The following TLE1 variants were observed in gnomAD, a reference collection of about 807,000 sequenced individuals.
TLE1 encodes TLE family member 1, transcriptional corepressor.
TLE1 carries 21 observed loss-of-function variants against 89.8 expected under a neutral mutation model. The ratio of observed to expected loss-of-function variants is 0.23; its 90% CI spans 0.17 to 0.34. The LOEUF (loss-of-function observed/expected upper bound fraction) is 0.34, where lower values mean the gene tolerates loss of function less well. TLE1 is among the 10% of genes least tolerant of loss of function. The probability of loss-of-function intolerance (pLI) is 1.00; values close to 1 mark genes in which losing one functional copy is unlikely to be tolerated. For missense variants in TLE1, 795 were observed against 1,031.2 expected (o/e 0.77, Z 3.14); for synonymous variants, 447 against 407.6 (o/e 1.10, Z -1.16).
chr9:81,688,005 G>A (rs72749008), intron 1 of TLE1, among the ~76,000 whole-genome samples: 7 of 152,104 alleles, frequency 4.6e-5, no homozygotes, highest in South Asian at 4.2e-4. Context: ...CGGTATAGAC[G>A]TCAAGTAGGA....
At chr9:81,629,438 A>G (rs1268912747) in intron 8 of TLE1, among the ~76,000 whole-genome samples, 1 of 152,242 alleles carries the variant, frequency 6.6e-6, no homozygotes, top group East Asian at 1.9e-4. Context: ...CAAAATTTTA[A>G]AACAGCCAAA....
In TLE1 at chr9:81,687,535, G is replaced by A. The variant is rs1834463745; in HGVS notation, c.25-101C>T. On this transcript the variant is annotated intron_variant, in intron 1 of 19. Coordinates refer to ENST00000376499, the MANE Select transcript of TLE1 (RefSeq NM_005077.5). ...AGAACGGGTGGGACATAAACATAAA[G>A]TTAGAAGTGGCTGAAAACGAGGCCC... 5.9e-6 allele frequency: 5 copies of A among 852,380 alleles called. No individual in the cohort carries two copies. In the East Asian group the frequency reaches 8.1e-5, roughly 14 times the overall value. The allele number at this position is 852,380 out of a possible 1,614,324, so 52.8% of individuals were successfully genotyped here.
chr9:81,640,627 T>C (rs1357172327), intron 6 of TLE1, among the ~76,000 whole-genome samples: 3 of 152,184 alleles, frequency 2.0e-5, no homozygotes, highest in Non-Finnish European at 4.4e-5. Flanking sequence ...CCACAAGGAA[T>C]AAAGCGATCT....
intron 4 of TLE1, among the ~76,000 whole-genome samples, chr9:81,672,745 A>G (rs1346852440): frequency 6.6e-6 from 1 of 152,096 alleles, no homozygotes; most frequent in Non-Finnish European, 1.5e-5. Flanking sequence ...CAAAATGACA[A>G]ATTTTCCATG....
intron 4 of TLE1, among the ~76,000 whole-genome samples, chr9:81,683,896 T>C (rs1173337118): frequency 6.6e-6 from 1 of 151,940 alleles, no homozygotes; most frequent in Non-Finnish European, 1.5e-5. Flanking sequence ...CTTCACCCCT[T>C]CTCCCTACAT....
intron 5 of TLE1, 21 bp from the exon 6 acceptor site, chr9:81,652,309 A>C: frequency 6.2e-7 from 1 of 1,610,678 alleles, no homozygotes; most frequent in South Asian, 1.1e-5. Flanking sequence ...AAGGAGAAGA[A>C]AGGGCATTAG....
At chr9:81,606,602 A>G (rs1831691864) in intron 14 of TLE1, among the ~76,000 whole-genome samples, 1 of 152,108 alleles carries the variant, frequency 6.6e-6, no homozygotes, top group African/African-American at 2.4e-5. Context: ...ACAGGTGGGG[A>G]ACATCACACA....
intron 4 of TLE1, among the ~76,000 whole-genome samples, chr9:81,672,804 G>A (rs1051117205): frequency 7.2e-5 from 11 of 151,966 alleles, no homozygotes; most frequent in Non-Finnish European, 1.3e-4. Context: ...TCCTTATTCT[G>A]CCAAAACTTA....
chr9:81,688,289 G>T lies in TLE1; in HGVS notation c.-49C>A. The stretch of plus-strand genomic sequence containing the variant: ...TGTTCCCCGGCAACTCAATTCTCCG[G>T]TCAATTTCCAACTTTAATCCCGCCG... On this transcript the variant is annotated 5_prime_UTR_variant, in exon 1 of 20. Transcript: ENST00000376499. The T allele has an allele frequency of 2.6e-6, 4 of 1,521,518 alleles. No homozygotes were observed. Among genetic ancestry groups the T allele is most frequent in the Non-Finnish European group, 3.5e-6 (4 of 1,139,356 alleles). 94.3% of individuals were successfully genotyped at this position (1,521,518 alleles called of 1,614,324 possible). A position where few individuals can be genotyped will look rare whatever the true frequency, so the allele number is the denominator to read the frequency against.
intron 4 of TLE1, among the ~76,000 whole-genome samples, chr9:81,657,936 G>A (rs1187249530): frequency 2.2e-5 from 3 of 137,920 alleles, no homozygotes; most frequent in African/African-American, 8.2e-5. Flanking sequence ...TTAAGACAGA[G>A]TCTCGCTCTG....
chr9:81,629,835 C>T (rs754150625), intron 8 of TLE1, among the ~76,000 whole-genome samples: 8 of 152,150 alleles, frequency 5.3e-5, no homozygotes, highest in Non-Finnish European at 1.2e-4. Context: ...TAGGGGACCA[C>T]CATCATATAT....
chr9:81,673,875 T>C (rs1192806685), intron 4 of TLE1, among the ~76,000 whole-genome samples: 1 of 151,974 alleles, frequency 6.6e-6, no homozygotes, highest in African/African-American at 2.4e-5. Context: ...GAGAATGGAG[T>C]GTGTACCTGT....
At chr9:81,620,764 A>G in intron 8 of TLE1, 1 of 984,516 alleles carries the variant, frequency 1.0e-6, no homozygotes, top group Non-Finnish European at 1.2e-6. Context: ...CAATCAAACC[A>G]TCCAAAGCTA....
chr9:81,654,551 C>T (rs1356004174), intron 4 of TLE1, among the ~76,000 whole-genome samples: 1 of 152,150 alleles, frequency 6.6e-6, no homozygotes, highest in Admixed American at 6.5e-5. Flanking sequence ...CCGTGTTAGC[C>T]AGGATGGTCT....
intron 4 of TLE1, among the ~76,000 whole-genome samples, chr9:81,662,149 T>G (rs1830877009): frequency 6.6e-6 from 1 of 152,158 alleles, no homozygotes. Flanking sequence ...ATTCAACACA[T>G]CACAACCATC....
chr9:81,588,764 A>G (rs1829010200), intron 16 of TLE1, among the ~76,000 whole-genome samples: 1 of 151,944 alleles, frequency 6.6e-6, no homozygotes, highest in African/African-American at 2.4e-5. Flanking sequence ...AAGGCGAGCA[A>G]AGTCTAGACC....
At chr9:81,600,710 AC>A (rs1830802995) in intron 14 of TLE1, among the ~76,000 whole-genome samples, 7 of 152,008 alleles carry the variant, frequency 4.6e-5, no homozygotes, top group Admixed American at 3.9e-4. Context: ...ACTAAGGGAC[AC>A]CAGAGTGGCT....
intron 15 of TLE1, among the ~76,000 whole-genome samples, chr9:81,591,959 G>A (rs1185820347): frequency 1.3e-5 from 2 of 152,226 alleles, no homozygotes; most frequent in African/African-American, 4.8e-5. Flanking sequence ...ATCTGCAACA[G>A]CAGAGTGCAG....
intron 4 of TLE1, among the ~76,000 whole-genome samples, chr9:81,659,826 T>G (rs1830554389): frequency 6.6e-6 from 1 of 152,164 alleles, no homozygotes. Context: ...CTTGAGAGTT[T>G]CATCAAAATC....
Sources: gnomAD v4.1 joint callset for allele counts (sites outside exome capture counted in the v4.1 genomes callset) on GRCh38, gnomAD v4.1.1 for gene constraint, MANE v1.5 for transcripts, NCBI Gene and HGNC (gene_info 2026-07-23, HGNC 2026-07-21) for gene names.